Variants in ABCC5 observed in about 807,000 individuals in gnomAD.
ABCC5 encodes ATP-binding cassette sub-family C member 5.
ABCC5 carries 61 observed loss-of-function variants against 160.9 expected under a neutral mutation model. The ratio of observed to expected loss-of-function variants is 0.38; its 90% confidence interval spans 0.31 to 0.47. The LOEUF (loss-of-function observed/expected upper bound fraction) is 0.47. Ranked by LOEUF, ABCC5 falls within the 20% of genes least tolerant of loss-of-function variation. ABCC5 has a pLI of 0.99. For missense variants in ABCC5, 1,308 were observed against 1,813.3 expected, an observed-to-expected ratio of 0.72 and a Z score of 5.06; for synonymous variants, 666 against 700.6, an observed-to-expected ratio of 0.95 and a Z score of 0.78.
At chr3:183,927,615 T>C in intron 27 of ABCC5, 172 bp from the exon 28 acceptor site, 2 of 985,444 alleles carry the variant, frequency 2.0e-6, no homozygotes, top group Non-Finnish European at 2.4e-6. Flanking sequence ...AGGACCCACT[T>C]CCAAGGCAGT....
rs1457407838 is a variant in ABCC5 at position 183,967,769 on chromosome 3, G to A, written c.1762-3C>T. On this transcript the variant is annotated splice_region_variant and splice_polypyrimidine_tract_variant and intron_variant, in intron 11 of 29. Coordinates refer to ENST00000334444, the MANE Select transcript of ABCC5 (RefSeq NM_005688.4). ...CCACAGATTCCAACCAGTTTACCCT[G>A]GACAAGGCACACAGAGAGGAGGGTC... 1 of 1,612,170 alleles carries A rather than the reference G, an allele frequency of 6.2e-7. No homozygotes were observed. The highest frequency in any genetic ancestry group is 1.7e-5 in the Admixed American group (1 of 60,002).
intron 29 of ABCC5, among the ~76,000 whole-genome samples, chr3:183,925,315 T>C (rs534174096): frequency 4.6e-5 from 7 of 152,348 alleles, no homozygotes; most frequent in Admixed American, 3.9e-4. Context: ...CTTAAGTCAG[T>C]GTCGCTACTC....
chr3:184,011,363 A>G (rs1721728143), intron 2 of ABCC5: 1 of 152,222 alleles, frequency 6.6e-6, no homozygotes, highest in Non-Finnish European at 1.5e-5. Context: ...ACAATCAGAT[A>G]CCAGGCACAT....
intron 2 of ABCC5, chr3:184,011,132 C>T (rs1576952240): frequency 1.3e-5 from 2 of 152,264 alleles, no homozygotes; most frequent in South Asian, 2.1e-4. Context: ...ACCCCAATGC[C>T]TCCCTATCTT....
chr3:183,953,053 A>C (rs1324382949), intron 18 of ABCC5, 33 bp downstream of exon 18: 2 of 1,594,734 alleles, frequency 1.3e-6, no homozygotes, highest in Non-Finnish European at 1.7e-6. Flanking sequence ...ACATTCTTAG[A>C]CACAGAACTT....
At chr3:183,972,068 C>G in intron 10 of ABCC5, 149 bp from the exon 11 acceptor site, 1 of 1,510,630 alleles carries the variant, frequency 6.6e-7, no homozygotes, top group Non-Finnish European at 8.9e-7. Flanking sequence ...TAGTGCAGCC[C>G]AATCTCAGGC....
intron 17 of ABCC5, among the ~76,000 whole-genome samples, chr3:183,958,801 T>C (rs1716466184): frequency 6.6e-6 from 1 of 152,046 alleles, no homozygotes; most frequent in African/African-American, 2.4e-5. Context: ...GGGCGTGCCA[T>C]GTTGCCCAGG....
Position 183,987,566 on chromosome 3 carries a change from G to T in ABCC5, c.591+204C>A. ...TCACCCCCACCCAGAAATCAAGCCAGTTCCATTTCTTCTCTGGCAACACTG... is the reference window on the plus strand; with the variant it reads ...TCACCCCCACCCAGAAATCAAGCCATTTCCATTTCTTCTCTGGCAACACTG... On this transcript the variant is annotated intron_variant, in intron 5 of 29. Transcript: ENST00000334444. The surrounding 1 kb of genome is among the most constrained non-coding windows in gnomAD (Gnocchi z 4.2). The T allele has an allele frequency of 1.5e-6, 1 of 684,340 alleles. No individual in the cohort carries two copies. 42.4% of individuals were successfully genotyped at this position (684,340 alleles called of 1,614,324 possible).
At chr3:183,955,404 G>GGGGA (rs1236300165) in intron 17 of ABCC5, among the ~76,000 whole-genome samples, 1 of 152,186 alleles carries the variant, frequency 6.6e-6, no homozygotes, top group Non-Finnish European at 1.5e-5. Context: ...TCTAAAGGCA[G>GGGGA]GGGAGTATAA....
intron 15 of ABCC5, 133 bp from the exon 16 acceptor site, chr3:183,961,787 T>A: frequency 4.1e-6 from 2 of 482,412 alleles, no homozygotes; most frequent in Non-Finnish European, 3.0e-6. Context: ...TCTGGAGACA[T>A]TTTTTTTTTT....
chr3:184,008,862 A>AT (rs147060120), intron 2 of ABCC5, among the ~76,000 whole-genome samples: 5,085 of 150,612 alleles, frequency 0.034, 280 homozygotes, highest in African/African-American at 0.12. Context: ...TTCTTTCTTT[A>AT]TTTTTTTTTG....
chr3:183,997,842 G>A (rs1720402861), intron 2 of ABCC5, among the ~76,000 whole-genome samples: 4 of 152,098 alleles, frequency 2.6e-5, no homozygotes, highest in Non-Finnish European at 1.5e-5. Context: ...GAATGCAGTG[G>A]CACAATCATA....
At position 183,965,223 on chromosome 3, in the gene ABCC5, G is replaced by T. The variant is rs1481906075; in HGVS notation, c.1993C>A (p.Pro665Thr). 6.2e-7 allele frequency: 1 copy of T among 1,614,190 alleles called. No individual in the cohort carries two copies. Among genetic ancestry groups the T allele is most frequent in the Non-Finnish European group, 8.5e-7 (1 of 1,180,022 alleles). Residue 665 changes from proline (P) to threonine (T), a missense_variant, in exon 14 of 30, where the codon CCT becomes ACT. By Grantham distance (38) the Pro-to-Thr change is conservative (BLOSUM62 -1). This residue lies in a region of ABCC5 where 1,142 missense variants were observed against 1,527.1 expected (regional missense o/e 0.75). Coordinates refer to ENST00000334444, the MANE Select transcript of ABCC5 (RefSeq NM_005688.4). ...CTGCTGGGAAGAATGGCCAGGTCAG[G>T]CCTCAGGCAGCAGCTGTTCAGCACA... Reference protein sequence around the residue: ...NSVLNSCCLRPDLAILPSSDL... With the variant: ...NSVLNSCCLRTDLAILPSSDL...
intron 26 of ABCC5, among the ~76,000 whole-genome samples, chr3:183,934,660 A>C (rs970080711): frequency 1.3e-5 from 2 of 152,180 alleles, no homozygotes; most frequent in African/African-American, 4.8e-5. Flanking sequence ...GCCCATGGTC[A>C]ATTCTTTTTC....
chr3:183,995,240 T>C (rs571095595), intron 2 of ABCC5, among the ~76,000 whole-genome samples: 1 of 152,298 alleles, frequency 6.6e-6, no homozygotes, highest in African/African-American at 2.4e-5. Context: ...TTTATGGCCA[T>C]GTTTCATCCT....
intron 2 of ABCC5, chr3:184,006,205 A>C (rs1424389495): frequency 2.6e-5 from 4 of 151,766 alleles, no homozygotes. Context: ...TTGGAGACCA[A>C]CACCTGGCAC....
Position 183,993,345 on chromosome 3 carries a change from G to A in ABCC5, c.130-3962C>T, listed in dbSNP as rs540571202. 1.4e-4 allele frequency among the ~76,000 whole-genome samples: 22 copies of A among 152,082 alleles called. No individual in the cohort carries two copies. In the East Asian group the frequency reaches 1.9e-3, roughly 13 times the overall value. Reference sequence around the variant, plus strand: ...CCAAAAATACAAAAATTAGCAGGGCGTGGTGGCACACACCTATAGTCCCAG... The same window carrying A: ...CCAAAAATACAAAAATTAGCAGGGCATGGTGGCACACACCTATAGTCCCAG... On this transcript the variant is annotated intron_variant, in intron 2 of 29. Transcript: ENST00000334444.
intron 25 of ABCC5, chr3:183,942,489 T>C (rs1278740545): frequency 7.6e-6 from 5 of 657,384 alleles, no homozygotes; most frequent in Non-Finnish European, 1.4e-5. Flanking sequence ...TGCTCCTCTT[T>C]CGTACTTGGC....
At chr3:183,957,110 C>T (rs1272348275) in intron 17 of ABCC5, among the ~76,000 whole-genome samples, 3 of 107,104 alleles carry the variant, frequency 2.8e-5, no homozygotes, top group African/African-American at 1.1e-4. Context: ...ACATGCGGGT[C>T]CGTGTGTACA....
Sources: allele counts gnomAD v4.1 joint callset (sites outside exome capture counted in the v4.1 genomes callset), GRCh38; gene constraint gnomAD v4.1.1; regional missense constraint gnomAD v4.1.1; non-coding constraint Gnocchi (gnomAD v3.1); transcripts MANE v1.5; gene names NCBI Gene and HGNC (gene_info 2026-07-23, HGNC 2026-07-21).